The following TMEM178B variants were observed in gnomAD, a reference collection of about 807,000 sequenced individuals.
TMEM178B encodes the protein transmembrane protein 178B.
TMEM178B carries 5 observed loss-of-function variants against 31.0 expected under a neutral mutation model. That is an observed-to-expected ratio of 0.16 (90% CI 0.08 to 0.34). The LOEUF (loss-of-function observed/expected upper bound fraction) is 0.34, where lower values mean the gene tolerates loss of function less well. Ranked by LOEUF, TMEM178B falls within the 10% of genes least tolerant of loss-of-function variation. The pLI, the probability that TMEM178B is intolerant of heterozygous loss-of-function variation, is 1.00. For missense variants in TMEM178B, 275 were observed against 400.3 expected, an observed-to-expected ratio of 0.69 and a Z score of 2.67; for synonymous variants, 164 against 164.0, an observed-to-expected ratio of 1.00 and a Z score of 0.00.
chr7:141,218,907 C>A (rs1384016809), intron 2 of TMEM178B, among the ~76,000 whole-genome samples: 1 of 152,220 alleles, frequency 6.6e-6, no homozygotes, highest in Non-Finnish European at 1.5e-5. Flanking sequence ...GTAGAATGGC[C>A]ACCTTCTGAA....
chr7:141,223,644 G>A (rs1308057957), intron 2 of TMEM178B, among the ~76,000 whole-genome samples: 1 of 152,078 alleles, frequency 6.6e-6, no homozygotes, highest in Non-Finnish European at 1.5e-5. Context: ...GAGTTTGGGG[G>A]TGGGGATTGA....
intron 2 of TMEM178B, among the ~76,000 whole-genome samples, chr7:141,239,980 A>C (rs1797593432): frequency 6.6e-6 from 1 of 152,256 alleles, no homozygotes; most frequent in African/African-American, 2.4e-5. Flanking sequence ...AGATGTCATT[A>C]ATTTTAATAA....
chr7:141,380,068 A>G (rs1303698613), intron 2 of TMEM178B, among the ~76,000 whole-genome samples: 6 of 152,226 alleles, frequency 3.9e-5, no homozygotes, highest in African/African-American at 1.2e-4. Context: ...ACCCATAAAT[A>G]TAAATCTAAA....
chr7:141,203,236 G>GT (rs960539101), intron 1 of TMEM178B, among the ~76,000 whole-genome samples: 2 of 152,106 alleles, frequency 1.3e-5, no homozygotes, highest in African/African-American at 4.8e-5. Context: ...TTTGTTGGTG[G>GT]TTTTTTTCCA....
chr7:141,412,535 G>A (rs1417736493), intron 2 of TMEM178B, among the ~76,000 whole-genome samples: 1 of 152,192 alleles, frequency 6.6e-6, no homozygotes, highest in East Asian at 1.9e-4. Context: ...CACAATTCAT[G>A]ATGTATATTG....
At chr7:141,169,004 A>G (rs925668680) in intron 1 of TMEM178B, among the ~76,000 whole-genome samples, 3 of 152,108 alleles carry the variant, frequency 2.0e-5, no homozygotes, top group Non-Finnish European at 4.4e-5. Context: ...CATTCCTCTG[A>G]TCTCCTCTTT....
intron 1 of TMEM178B, among the ~76,000 whole-genome samples, chr7:141,142,842 A>G (rs1795796380): frequency 6.6e-6 from 1 of 152,234 alleles, no homozygotes; most frequent in South Asian, 2.1e-4. Flanking sequence ...CCCACCAATA[A>G]TGTATAAGCA....
chr7:141,354,413 G>A (rs1386445830), intron 2 of TMEM178B, among the ~76,000 whole-genome samples: 1 of 152,038 alleles, frequency 6.6e-6, no homozygotes, highest in Admixed American at 6.6e-5. Flanking sequence ...TCCACTTCCT[G>A]CCACAACTCT....
intron 2 of TMEM178B, among the ~76,000 whole-genome samples, chr7:141,433,951 A>G (rs1306945567): frequency 1.3e-5 from 2 of 152,150 alleles, no homozygotes; most frequent in African/African-American, 4.8e-5. Flanking sequence ...GCTTAGCACA[A>G]CCCTCAGCTT....
chr7:141,312,751 C>T (rs1019532629), intron 2 of TMEM178B, among the ~76,000 whole-genome samples: 3 of 152,246 alleles, frequency 2.0e-5, no homozygotes, highest in Admixed American at 6.5e-5. Context: ...TTGAAATCCT[C>T]TGCTGGTGGT....
At chr7:141,184,207 A>G (rs781707211) in intron 1 of TMEM178B, among the ~76,000 whole-genome samples, 3 of 152,192 alleles carry the variant, frequency 2.0e-5, no homozygotes, top group Admixed American at 6.5e-5. Context: ...TATTTCTATT[A>G]TCTTGAACAA....
chr7:141,116,071 C>T (rs771401962), intron 1 of TMEM178B, among the ~76,000 whole-genome samples: 4 of 152,156 alleles, frequency 2.6e-5, no homozygotes, highest in African/African-American at 7.2e-5. Context: ...GCTTCAGCTC[C>T]GAGTTCAGTG....
intron 2 of TMEM178B, among the ~76,000 whole-genome samples, chr7:141,309,300 G>A (rs557964892): frequency 5.9e-5 from 9 of 152,022 alleles, no homozygotes; most frequent in South Asian, 2.1e-4. Flanking sequence ...ATATTGTCTC[G>A]TGTTCTGCCT....
intron 1 of TMEM178B, among the ~76,000 whole-genome samples, chr7:141,121,800 T>C (rs1795411764): frequency 6.6e-6 from 1 of 152,202 alleles, no homozygotes; most frequent in Non-Finnish European, 1.5e-5. Flanking sequence ...GTCTTAGGCT[T>C]TCCTTGGGTC....
chr7:141,456,938 G>A lies in TMEM178B; in HGVS notation c.635-13598G>A, dbSNP rs185327089. ...TTGGATCCCACTAACTCTCAGCTCT[G>A]AACCAAGGCCCAGATGGATAAGAAG... is the stretch of plus-strand genomic sequence containing the variant. On this transcript the variant is annotated intron_variant, in intron 3 of 3. Transcript: ENST00000565468. Among the ~76,000 whole-genome samples, 28 of 152,328 alleles carry A rather than the reference G, an allele frequency of 1.8e-4. No individual in the cohort carries two copies. In the East Asian group the frequency reaches 4.6e-3, roughly 25 times the overall value.
intron 1 of TMEM178B, among the ~76,000 whole-genome samples, chr7:141,120,714 G>C (rs963134611): frequency 6.6e-6 from 1 of 151,966 alleles, no homozygotes; most frequent in Non-Finnish European, 1.5e-5. Context: ...CCAATACTTT[G>C]GGAGGCAGAG....
chr7:141,157,343 A>T (rs189175189), intron 1 of TMEM178B, among the ~76,000 whole-genome samples: 1 of 152,156 alleles, frequency 6.6e-6, no homozygotes, highest in Non-Finnish European at 1.5e-5. Context: ...CTAGGAGAGG[A>T]GCTTCCTCAT....
chr7:141,357,752 A>G (rs1197760739), intron 2 of TMEM178B, among the ~76,000 whole-genome samples: 2 of 152,252 alleles, frequency 1.3e-5, no homozygotes, highest in African/African-American at 2.4e-5. Context: ...AGAAACACAT[A>G]TATCACTACA....
intron 2 of TMEM178B, among the ~76,000 whole-genome samples, chr7:141,321,789 G>A (rs992207416): frequency 6.6e-6 from 1 of 150,872 alleles, no homozygotes; most frequent in Non-Finnish European, 1.5e-5. Context: ...GGATGCCCAG[G>A]CCCTGCCCTG....
Sources: gnomAD v4.1 joint callset for allele counts (sites outside exome capture counted in the v4.1 genomes callset) on GRCh38, gnomAD v4.1.1 for gene constraint, MANE v1.5 for transcripts, NCBI Gene and HGNC (gene_info 2026-07-23, HGNC 2026-07-21) for gene names.